Variants in FSIP2 observed in about 807,000 individuals in gnomAD.
FSIP2 encodes the protein fibrous sheath interacting protein 2, also known as fibrous sheath-interacting protein 2.
In FSIP2, 367 loss-of-function variants were observed where a neutral mutation model predicts 510.5. The observed-to-expected ratio is 0.72, with a 90% CI of 0.66 to 0.78. The LOEUF is 0.78. Ranked by LOEUF, FSIP2 falls within the 30% of genes least tolerant of loss-of-function variation. FSIP2 has a pLI of 0.00. For synonymous variants in FSIP2, 2,601 were observed against 2,732.2 expected (o/e 0.95, Z 1.50); for missense variants, 7,594 against 7,901.7 (o/e 0.96, Z 1.48).
rs1333586615 is a variant in FSIP2, at chr2:185,792,861, G to A, written c.5725G>A (p.Asp1909Asn). The A allele has an allele frequency of 3.3e-6, 5 of 1,534,210 alleles. No individual in the cohort carries two copies. Among genetic ancestry groups the A allele is most frequent in the African/African-American group, 1.4e-5 (1 of 72,884 alleles). The change falls in exon 16 of 23, where the codon GAC (aspartate) becomes AAC (asparagine). Residue 1909 changes from aspartate to asparagine, a missense_variant. Coordinates refer to ENST00000424728, the MANE Select transcript of FSIP2 (RefSeq NM_173651.4). ...TTTTCAGTCTAGATTCAGCGTTGCTGACAAGGAGACAAAGGTAAATCTAGC... is the reference window on the plus strand; with the variant it reads ...TTTTCAGTCTAGATTCAGCGTTGCTAACAAGGAGACAAAGGTAAATCTAGC... ...CTFQSRFSVA[D>N]KETKVNLAED...
Position 185,796,835 on chromosome 2 carries a change from A to G in FSIP2, c.9699A>G (p.Pro3233=), listed in dbSNP as rs1693294807. The part of the protein sequence containing the change: ...PTKRPDSETM[P]SCSTRNKVQD... ...AAAGGCCTGATTCAGAAACTATGCC[A>G]TCGTGTTCTACTAGAAACAAAGTAC... Residue 3233 remains proline (P), a synonymous_variant, in exon 16 of 23, where the codon CCA becomes CCG. Coordinates refer to ENST00000424728, the MANE Select transcript of FSIP2 (RefSeq NM_173651.4). 28 of 1,535,080 alleles carry G rather than the reference A, an allele frequency of 1.8e-5. No individual in the cohort carries two copies. Among genetic ancestry groups the G allele is most frequent in the Non-Finnish European group, 2.4e-5 (28 of 1,146,324 alleles).
At chr2:185,750,777 T>C (rs1417368372) in intron 7 of FSIP2, among the ~76,000 whole-genome samples, 1 of 151,360 alleles carries the variant, frequency 6.6e-6, no homozygotes, top group Admixed American at 6.6e-5. Flanking sequence ...TTTTTTTTGA[T>C]ATACGATGTT....
chr2:185,745,825 A>G (rs1692018288), intron 5 of FSIP2, among the ~76,000 whole-genome samples: 1 of 152,180 alleles, frequency 6.6e-6, no homozygotes, highest in African/African-American at 2.4e-5. Flanking sequence ...ATTAGAATAT[A>G]GAAACAATAT....
intron 13 of FSIP2, among the ~76,000 whole-genome samples, chr2:185,775,338 G>A (rs1219804495): frequency 2.0e-5 from 3 of 150,720 alleles, no homozygotes; most frequent in Non-Finnish European, 4.4e-5. Flanking sequence ...GCCAGTGATG[G>A]TGAGCATTTT....
chr2:185,749,566 A>G (rs1304466851), intron 7 of FSIP2, among the ~76,000 whole-genome samples: 2 of 151,924 alleles, frequency 1.3e-5, no homozygotes, highest in Non-Finnish European at 2.9e-5. Context: ...AATAGTTTAC[A>G]TAGATGATCA....
chr2:185,812,711 G>C (rs139133814), intron 17 of FSIP2, among the ~76,000 whole-genome samples: 45 of 152,042 alleles, frequency 3.0e-4, no homozygotes, highest in African/African-American at 8.7e-4. Context: ...CTAAACCACT[G>C]TTTTCCTCCA....
chr2:185,803,536 C>A lies in FSIP2; in HGVS notation c.14230C>A (p.His4744Asn), dbSNP rs567647906. 1.6e-5 allele frequency: 25 copies of A among 1,532,996 alleles called. No individual in the cohort carries two copies. The highest frequency in any genetic ancestry group is 1.2e-4 in the Admixed American group (6 of 50,774). The allele number at this position is 1,532,996 out of a possible 1,614,324, so 95.0% of individuals were successfully genotyped here. Reference sequence around the variant, plus strand: ...GGCTGAAATTTTTGATTTCCAAATTCATCCAGATCTTATAGCAAATCTGCC... The same window carrying A: ...GGCTGAAATTTTTGATTTCCAAATTAATCCAGATCTTATAGCAAATCTGCC... ...ILAEIFDFQI[H>N]PDLIANLPFK... Residue 4744 changes from histidine (H) to asparagine (N), a missense_variant, in exon 17 of 23, where the codon CAT becomes AAT. Physicochemically the swap from His to Asn is moderately conservative, Grantham distance 68. Coordinates refer to ENST00000424728, the MANE Select transcript of FSIP2 (RefSeq NM_173651.4).
chr2:185,753,725 C>G lies in FSIP2; in HGVS notation c.874C>G (p.Gln292Glu). The G allele has an allele frequency of 8.6e-7, 1 of 1,163,386 alleles. No homozygotes were observed. The highest frequency in any genetic ancestry group is 1.2e-6 in the Non-Finnish European group (1 of 836,710). The allele number at this position is 1,163,386 out of a possible 1,614,324, so 72.1% of individuals were successfully genotyped here. A position where few individuals can be genotyped will look rare whatever the true frequency, so the allele number is the denominator to read the frequency against. The change falls in exon 8 of 23, where the codon CAA becomes GAA. Residue 292 changes from glutamine (Q) to glutamate (E), a missense_variant. Physicochemically the swap from Gln to Glu is conservative, Grantham distance 29. Transcript: ENST00000424728. ...RNREESDRKK[Q>E]DLLEKKMAYH... The stretch of plus-strand genomic sequence containing the variant: ...TATATTTTCTTTAATATTGTAGAAA[C>G]AAGATCTTCTAGAGAAAAAAATGGC...
intron 19 of FSIP2, among the ~76,000 whole-genome samples, chr2:185,823,657 C>A (rs1197228524): frequency 6.6e-6 from 1 of 151,624 alleles, no homozygotes; most frequent in African/African-American, 2.4e-5. Flanking sequence ...TTCAATAGTG[C>A]AGACATTGTG....
At chr2:185,797,653 A>G (rs1693323495) in intron 16 of FSIP2, 127 bp downstream of exon 16, 2 of 861,190 alleles carry the variant, frequency 2.3e-6, no homozygotes, top group Non-Finnish European at 3.6e-6. Flanking sequence ...CCTTGGAGGT[A>G]GATGACTACT....
rs764682253 is a variant in FSIP2 at position 185,805,521 on chromosome 2, C to T, written c.16215C>T (p.Thr5405=). 4 of 1,611,512 alleles carry T rather than the reference C, an allele frequency of 2.5e-6. No homozygotes were observed. The South Asian group carries it at 4.4e-5, about 18-fold the overall frequency. ...QPLFSGDWSS[T]FFSFLNPDNI... ...TTTTTTCAGGAGACTGGTCTTCCAC[C>T]TTCTTTTCATTTCTAAATCCAGATA... Residue 5405 remains threonine, a synonymous_variant, in exon 17 of 23, where the codon ACC becomes ACT. Transcript: ENST00000424728.
Position 185,796,987 on chromosome 2 carries a change from C to A in FSIP2, c.9851C>A (p.Ala3284Glu). 4 of 1,534,976 alleles carry A rather than the reference C, an allele frequency of 2.6e-6. No homozygotes were observed. The highest frequency in any genetic ancestry group is 2.6e-6 in the Non-Finnish European group (3 of 1,146,160). Residue 3284 changes from alanine to glutamate, a missense_variant, in exon 16 of 23, where the codon GCA becomes GAA. Ala to Glu is a moderately radical substitution (Grantham distance 107). Transcript: ENST00000424728. ...AAAGCAAGTGACTCCACAGAAGCAGCATTAAAGCAAGTCTTGTCATTCATA... is the reference window on the plus strand; with the variant it reads ...AAAGCAAGTGACTCCACAGAAGCAGAATTAAAGCAAGTCTTGTCATTCATA... ...LRKASDSTEA[A>E]LKQVLSFIEM...
chr2:185,804,259 G>T lies in FSIP2; in HGVS notation c.14953G>T (p.Val4985Phe), dbSNP rs1693508439. Residue 4985 changes from valine (V) to phenylalanine (F), a missense_variant, in exon 17 of 23, where the codon GTT (valine) becomes TTT (phenylalanine). Physicochemically the swap from Val to Phe is conservative, Grantham distance 50. Coordinates refer to ENST00000424728, the MANE Select transcript of FSIP2 (RefSeq NM_173651.4). The stretch of plus-strand genomic sequence containing the variant: ...AGTGAAACTGAAACTTACCAGGATT[G>T]TTACAACATTGGTAAATTCAATTGT... The part of the protein sequence containing the change: ...DRVKLKLTRI[V>F]TTLVNSIVLE... 1 of 1,529,056 alleles carries T rather than the reference G, an allele frequency of 6.5e-7. No individual in the cohort carries two copies. The highest frequency in any genetic ancestry group is 8.7e-7 in the Non-Finnish European group (1 of 1,143,488). 94.7% of individuals were successfully genotyped at this position (1,529,056 alleles called of 1,614,324 possible). A position where few individuals can be genotyped will look rare whatever the true frequency, so the allele number is the denominator to read the frequency against.
Position 185,789,003 on chromosome 2 carries a change from A to G in FSIP2, c.1867A>G (p.Ile623Val). The part of the protein sequence containing the change: ...KTCHIKGQSI[I>V]SKHKYNKTNL... ...ATGTCACATAAAAGGACAATCTATA[A>G]TCTCTAAACATAAATATAATAAAAC... The change falls in exon 16 of 23, where the codon ATC becomes GTC. Residue 623 changes from isoleucine (I) to valine (V), a missense_variant. Coordinates refer to ENST00000424728, the MANE Select transcript of FSIP2 (RefSeq NM_173651.4). 2 of 1,534,172 alleles carry G rather than the reference A, an allele frequency of 1.3e-6. No individual in the cohort carries two copies. Among genetic ancestry groups the G allele is most frequent in the East Asian group, 2.4e-5 (1 of 40,854 alleles).
Position 185,791,508 on chromosome 2 carries a change from T to C in FSIP2, c.4372T>C (p.Cys1458Arg). The change falls in exon 16 of 23, where the codon TGT becomes CGT. Residue 1458 changes from cysteine to arginine, a missense_variant. Physicochemically the swap from Cys to Arg is radical, Grantham distance 180. Transcript: ENST00000424728. Reference sequence around the variant, plus strand: ...GACCCATCTTCATTCTCAGCTATCTTGTAGTCAACAAAGCAGAGAGATGAC... The same window carrying C: ...GACCCATCTTCATTCTCAGCTATCTCGTAGTCAACAAAGCAGAGAGATGAC... ...LGTHLHSQLS[C>R]SQQSREMTNK... 6.5e-7 allele frequency: 1 copy of C among 1,534,410 alleles called. No homozygotes were observed. The highest frequency in any genetic ancestry group is 8.7e-7 in the Non-Finnish European group (1 of 1,145,692).
intron 13 of FSIP2, among the ~76,000 whole-genome samples, chr2:185,767,782 T>TATCACA (rs1006151118): frequency 3.6e-4 from 55 of 152,304 alleles, no homozygotes; most frequent in African/African-American, 1.3e-3. Flanking sequence ...TTTGTTTCTA[T>TATCACA]ATATTAGCTA....
In FSIP2 at chr2:185,807,198, G is replaced by A; in HGVS notation, c.17892G>A (p.Leu5964=). 1 of 1,602,062 alleles carries A rather than the reference G, an allele frequency of 6.2e-7. No homozygotes were observed. The highest frequency in any genetic ancestry group is 1.1e-5 in the South Asian group (1 of 88,172). Reference sequence around the variant, plus strand: ...AAATTTTCCAACGTCAGGTTAACTTGATATTTTGTGATGAGGTTTCAGTTT... The same window carrying A: ...AAATTTTCCAACGTCAGGTTAACTTAATATTTTGTGATGAGGTTTCAGTTT... The part of the protein sequence containing the change: ...INEIFQRQVN[L]IFCDEVSVSA... The change falls in exon 17 of 23, where the codon TTG becomes TTA. Residue 5964 remains leucine, a synonymous_variant. Coordinates refer to ENST00000424728, the MANE Select transcript of FSIP2 (RefSeq NM_173651.4).
chr2:185,765,610 T>C (rs187179225), intron 13 of FSIP2: 28 of 152,274 alleles, frequency 1.8e-4, no homozygotes, highest in African/African-American at 5.3e-4. Context: ...TGGCTTAGGA[T>C]TGAATTGGTG....
At chr2:185,741,493 T>C (rs1691921471) in intron 2 of FSIP2, among the ~76,000 whole-genome samples, 1 of 152,196 alleles carries the variant, frequency 6.6e-6, no homozygotes, top group African/African-American at 2.4e-5. Context: ...AACATATGCC[T>C]GTCACAGCTA....
Sources: gnomAD v4.1 joint callset for allele counts (sites outside exome capture counted in the v4.1 genomes callset) on GRCh38, gnomAD v4.1.1 for gene constraint, MANE v1.5 for transcripts, NCBI Gene and HGNC (gene_info 2026-07-23, HGNC 2026-07-21) for gene names.